FBXO32: variants seen among roughly 807,000 people sequenced by gnomAD.
FBXO32 encodes F-box protein 32.
A neutral mutation model predicts 48.3 loss-of-function variants in FBXO32; 15 were observed. That is an observed-to-expected ratio of 0.31 (90% confidence interval 0.21 to 0.48). FBXO32 has a LOEUF of 0.48. Among genes scored for constraint, FBXO32 ranks in the 20% least tolerant of loss-of-function variants. The pLI is 0.99. For synonymous variants in FBXO32, 154 were observed against 165.9 expected (o/e 0.93, Z 0.55); for missense variants, 309 against 432.7 (o/e 0.71, Z 2.54).
At chr8:123,514,084 C>T (rs1287566455) in intron 5 of FBXO32, 156 bp downstream of exon 5, 5 of 593,346 alleles carry the variant, frequency 8.4e-6, no homozygotes, top group South Asian at 4.5e-5. Flanking sequence ...TACCCCTTTC[C>T]GAACTGGAAT....
intron 3 of FBXO32, 90 bp downstream of exon 3, chr8:123,533,101 G>T: frequency 1.1e-6 from 1 of 936,704 alleles, no homozygotes; most frequent in Non-Finnish European, 1.7e-6. Flanking sequence ...CTCATGATCC[G>T]AAGTAATTTC....
intron 4 of FBXO32, among the ~76,000 whole-genome samples, chr8:123,523,634 C>CA (rs1048097076): frequency 5.4e-5 from 8 of 148,558 alleles, no homozygotes; most frequent in African/African-American, 7.5e-5. Context: ...AACAAACAAA[C>CA]AAAAAAAAGA....
At position 123,504,566 on chromosome 8, in the gene FBXO32, G is replaced by A. The variant is rs763210040; in HGVS notation, c.978+38C>T. The A allele has an allele frequency of 1.9e-6, 3 of 1,594,936 alleles. No individual in the cohort carries two copies. The Admixed American group carries it at 5.1e-5, about 27-fold the overall frequency. On this transcript the variant is annotated intron_variant, in intron 8 of 8. Coordinates refer to ENST00000517956, the MANE Select transcript of FBXO32 (RefSeq NM_058229.4). ...TGGCACTCTTGGCTCTTAGGGGCTG[G>A]GCTGGGGGTCTGTGGCAGCCACCTC...
rs375758327 is a variant in FBXO32, at chr8:123,528,771, C to T, written c.372+3127G>A. ...TGCATGTCTCTTTTTTGGAAGATGA[C>T]AACCAGCATGAACATAACAGATTTT... On this transcript the variant is annotated intron_variant, in intron 4 of 8. Transcript: ENST00000517956. Among the ~76,000 whole-genome samples the T allele has an allele frequency of 4.9e-4, 75 of 152,298 alleles. 1 individual carries two copies. In the South Asian group the frequency reaches 0.015, roughly 30 times the overall value.
chr8:123,504,125 C>A, intron 8 of FBXO32, among the ~76,000 whole-genome samples: 1 of 151,648 alleles, frequency 6.6e-6, no homozygotes, highest in African/African-American at 2.4e-5. Context: ...TTCAAAATAG[C>A]CAGAAGAGAA....
rs1456936279 is a variant in FBXO32, at chr8:123,501,147, A to G, written c.*2226T>C. On this transcript the variant is annotated 3_prime_UTR_variant, in exon 9 of 9. Coordinates refer to ENST00000517956, the MANE Select transcript of FBXO32 (RefSeq NM_058229.4). ...GGGCAGAGATCACCAGTTGGTGGCA[A>G]CATGTGGAAGGCCATGAACCCCTAA... The G allele has an allele frequency of 6.6e-6, 1 of 152,234 alleles. No homozygotes were observed. Among genetic ancestry groups the G allele is most frequent in the East Asian group, 1.9e-4 (1 of 5,204 alleles). 9.4% of individuals were successfully genotyped at this position (152,234 alleles called of 1,614,324 possible).
At chr8:123,504,950 AAACAACAACAAC>A (rs372321127) in intron 7 of FBXO32, among the ~76,000 whole-genome samples, 2 of 148,540 alleles carry the variant, frequency 1.3e-5, no homozygotes, top group Non-Finnish European at 1.5e-5. Flanking sequence ...CAAGCTTAAA[AAACAACAACAAC>A]AACAACAAAA....
At chr8:123,530,174 C>T (rs1405414130) in intron 4 of FBXO32, among the ~76,000 whole-genome samples, 1 of 152,168 alleles carries the variant, frequency 6.6e-6, no homozygotes, top group Admixed American at 6.5e-5. Flanking sequence ...TAGATCTGCT[C>T]ATGTGGTCAC....
intron 1 of FBXO32, among the ~76,000 whole-genome samples, chr8:123,537,453 A>C (rs548289055): frequency 2.5e-4 from 38 of 152,340 alleles, no homozygotes; most frequent in Middle Eastern, 3.4e-3. Flanking sequence ...GAAAAAATTC[A>C]AAATCAGACC....
chr8:123,534,815 C>T lies in FBXO32; in HGVS notation c.117-1G>A. 1 of 1,589,484 alleles carries T rather than the reference C, an allele frequency of 6.3e-7. No homozygotes were observed. Among genetic ancestry groups the T allele is most frequent in the Non-Finnish European group, 8.6e-7 (1 of 1,158,862 alleles). On this transcript the variant is annotated splice_acceptor_variant, in intron 1 of 8. Transcript: ENST00000517956. LOFTEE classifies it high-confidence loss of function. ...ATTGTATACCTCCTTGTTGCAGTAA[C>T]TATGAATAACAGAAGACAAAGAGGA... is the stretch of plus-strand genomic sequence containing the variant.
Position 123,498,204 on chromosome 8 carries a change from A to C in FBXO32, c.*5169T>G, listed in dbSNP as rs1373009198. The C allele has an allele frequency of 6.6e-6, 1 of 152,248 alleles. No individual in the cohort carries two copies. The highest frequency in any genetic ancestry group is 1.5e-5 in the Non-Finnish European group (1 of 68,042). 9.4% of individuals were successfully genotyped at this position (152,248 alleles called of 1,614,324 possible). On this transcript the variant is annotated 3_prime_UTR_variant, in exon 9 of 9. Coordinates refer to ENST00000517956, the MANE Select transcript of FBXO32 (RefSeq NM_058229.4). ...GCCATGGTGATTGGCACTTGGTAGAATAAAGATGGCACCAAGGATTCCCAA... is the reference window on the plus strand; with the variant it reads ...GCCATGGTGATTGGCACTTGGTAGACTAAAGATGGCACCAAGGATTCCCAA...
At chr8:123,518,478 T>G (rs1351132092) in intron 4 of FBXO32, among the ~76,000 whole-genome samples, 1 of 152,230 alleles carries the variant, frequency 6.6e-6, no homozygotes, top group African/African-American at 2.4e-5. Flanking sequence ...ACTGTAATAT[T>G]CCTTTCTGTC....
intron 4 of FBXO32, 149 bp from the exon 5 acceptor site, chr8:123,514,482 CT>C (rs1816799237): frequency 3.9e-6 from 2 of 510,328 alleles, no homozygotes; most frequent in East Asian, 6.5e-5. Flanking sequence ...AAAGCAGATG[CT>C]CAGAGTGAAA....
In FBXO32 at chr8:123,500,020, G is replaced by A. The variant is rs1816449085; in HGVS notation, c.*3353C>T. 1 of 152,130 alleles carries A rather than the reference G, an allele frequency of 6.6e-6. No individual in the cohort carries two copies. Among genetic ancestry groups the A allele is most frequent in the Admixed American group, 6.5e-5 (1 of 15,274 alleles). The allele number at this position is 152,130 out of a possible 1,614,324, so 9.4% of individuals were successfully genotyped here. On this transcript the variant is annotated 3_prime_UTR_variant, in exon 9 of 9. Transcript: ENST00000517956. ...AATCATCTCACAACTGATACATTGG[G>A]GATGCTTTCACCTAATAGCTTTTGT...
At position 123,513,092 on chromosome 8, in the gene FBXO32, G is replaced by C. The variant is rs1816767629; in HGVS notation, c.651+106C>G. On this transcript the variant is annotated intron_variant, in intron 6 of 8. Coordinates refer to ENST00000517956, the MANE Select transcript of FBXO32 (RefSeq NM_058229.4). This position sits in a 1 kb window ranked among gnomAD's most constrained non-coding sequence, Gnocchi z 4.3. ...CAGAACAAAGCAGCAGATCAGAAAA[G>C]ACCAGACTCTTCCGTCACAGGAGTG... 1.6e-6 allele frequency: 2 copies of C among 1,234,228 alleles called. No individual in the cohort carries two copies. Among genetic ancestry groups the C allele is most frequent in the Admixed American group, 2.0e-5 (1 of 49,160 alleles). 76.5% of individuals were successfully genotyped at this position (1,234,228 alleles called of 1,614,324 possible).
Position 123,540,843 on chromosome 8 carries a change from C to G in FBXO32, c.116+56G>C. 6.8e-7 allele frequency: 1 copy of G among 1,472,434 alleles called. No homozygotes were observed. Among genetic ancestry groups the G allele is most frequent in the South Asian group, 1.2e-5 (1 of 85,728 alleles). 91.2% of individuals were successfully genotyped at this position (1,472,434 alleles called of 1,614,324 possible). Reference sequence around the variant, plus strand: ...CCTCATTCGCCGTCCCTGCGCCCCCCAGACCAGCCCGGGTCAGTTTCGCGG... The same window carrying G: ...CCTCATTCGCCGTCCCTGCGCCCCCGAGACCAGCCCGGGTCAGTTTCGCGG... On this transcript the variant is annotated intron_variant, in intron 1 of 8. Transcript: ENST00000517956. The surrounding 1 kb of genome is among the most constrained non-coding windows in gnomAD (Gnocchi z 6.4).
At chr8:123,528,755 C>T (rs1330753761) in intron 4 of FBXO32, among the ~76,000 whole-genome samples, 2 of 152,146 alleles carry the variant, frequency 1.3e-5, no homozygotes, top group African/African-American at 4.8e-5. Flanking sequence ...CTGCATGTCT[C>T]TTTTTTGGAA....
chr8:123,534,627 A>AT (rs1320744140), intron 2 of FBXO32, 75 bp downstream of exon 2: 42 of 917,784 alleles, frequency 4.6e-5, no homozygotes, highest in South Asian at 7.4e-5. Flanking sequence ...GGGAGGTGTT[A>AT]TTTTTTTTCA....
At chr8:123,514,218 G>C (rs762023700) in intron 5 of FBXO32, 22 bp downstream of exon 5, 1 of 1,591,168 alleles carries the variant, frequency 6.3e-7, no homozygotes, top group South Asian at 1.1e-5. Flanking sequence ...AAAAAGGGGC[G>C]AGAGAGTGAG....
Sources: allele counts gnomAD v4.1 joint callset (sites outside exome capture counted in the v4.1 genomes callset), GRCh38; gene constraint gnomAD v4.1.1; non-coding constraint Gnocchi (gnomAD v3.1); transcripts MANE v1.5; gene names NCBI Gene and HGNC (gene_info 2026-07-23, HGNC 2026-07-21).